The following MRTFA variants were observed in gnomAD, a reference collection of about 807,000 sequenced individuals.
MRTFA encodes myocardin related transcription factor A, also known as myocardin-related transcription factor A.
In MRTFA, 20 loss-of-function variants were observed where a neutral mutation model predicts 83.5. The observed-to-expected ratio is 0.24, with a 90% CI of 0.17 to 0.35. The LOEUF (loss-of-function observed/expected upper bound fraction) is 0.35, where lower values mean the gene tolerates loss of function less well. Ranked by LOEUF, MRTFA falls within the 10% of genes least tolerant of loss-of-function variation. The pLI is 1.00. For missense variants in MRTFA, 1,200 were observed against 1,224.7 expected (o/e 0.98, Z 0.30); for synonymous variants, 659 against 541.2 (o/e 1.22, Z -3.02).
intron 3 of MRTFA, among the ~76,000 whole-genome samples, chr22:40,518,445 T>C (rs1332353971): frequency 2.7e-5 from 4 of 150,574 alleles, no homozygotes; most frequent in Non-Finnish European, 4.4e-5. Flanking sequence ...AAACAAAACC[T>C]ACACATCTGA....
At chr22:40,561,445 T>A (rs1051110239) in intron 2 of MRTFA, among the ~76,000 whole-genome samples, 6 of 150,018 alleles carry the variant, frequency 4.0e-5, no homozygotes, top group South Asian at 2.1e-4. Context: ...GAGTCAAGAC[T>A]GTGCCACTGT....
At chr22:40,544,066 T>G (rs565729484) in intron 3 of MRTFA, among the ~76,000 whole-genome samples, 4 of 152,236 alleles carry the variant, frequency 2.6e-5, no homozygotes, top group Admixed American at 2.0e-4. Context: ...CTCTGTTGAT[T>G]AGTGGGGAAA....
chr22:40,467,041 C>A (rs1370785999), intron 3 of MRTFA, among the ~76,000 whole-genome samples: 2 of 151,860 alleles, frequency 1.3e-5, no homozygotes, highest in Non-Finnish European at 2.9e-5. Context: ...TCTAATAAAC[C>A]TTTTCCATCT....
intron 3 of MRTFA, among the ~76,000 whole-genome samples, chr22:40,506,103 G>A (rs1350077841): frequency 3.9e-5 from 6 of 152,126 alleles, no homozygotes; most frequent in East Asian, 3.9e-4. Context: ...GCATGGTAGC[G>A]GGCGCCTATA....
intron 3 of MRTFA, among the ~76,000 whole-genome samples, chr22:40,507,305 G>A (rs1015678211): frequency 6.6e-6 from 1 of 152,062 alleles, no homozygotes; most frequent in African/African-American, 2.4e-5. Flanking sequence ...AGGCTGCAGT[G>A]AGCAGTGATT....
intron 3 of MRTFA, among the ~76,000 whole-genome samples, chr22:40,535,909 A>G (rs2055163738): frequency 6.6e-6 from 1 of 152,126 alleles, no homozygotes; most frequent in South Asian, 2.1e-4. Flanking sequence ...AATAAACATA[A>G]CATCTCAGTT....
intron 2 of MRTFA, among the ~76,000 whole-genome samples, chr22:40,564,616 A>C (rs1183949711): frequency 1.3e-5 from 2 of 152,118 alleles, no homozygotes; most frequent in African/African-American, 4.8e-5. Context: ...ATTTTAGAAG[A>C]AGCTCAATAA....
chr22:40,538,472 T>C lies in MRTFA; in HGVS notation c.241+13634A>G, dbSNP rs1404924519. ...CTCTGCCTAGGAAAACCAGAGACCT[T>C]TGTTCACTTGTTTATCTGCTGACCT... On this transcript the variant is annotated intron_variant, in intron 3 of 14. Coordinates refer to ENST00000355630, the MANE Select transcript of MRTFA (RefSeq NM_020831.6). 9.3e-5 allele frequency among the ~76,000 whole-genome samples: 14 copies of C among 150,186 alleles called. No homozygotes were observed. In the East Asian group the frequency reaches 1.6e-3, roughly 17 times the overall value.
Position 40,416,421 on chromosome 22 carries a change from T to C in MRTFA, c.2578+565A>G, listed in dbSNP as rs2052680199. Among the ~76,000 whole-genome samples, 1 of 152,234 alleles carries C rather than the reference T, an allele frequency of 6.6e-6. No homozygotes were observed. The highest frequency in any genetic ancestry group is 1.5e-5 in the Non-Finnish European group (1 of 68,036). ...ACCAGGCCTTTTCTGCTCAAGGCTG[T>C]GCGATGGCTTCCCACACAATGGAGC... On this transcript the variant is annotated intron_variant, in intron 14 of 14. Coordinates refer to ENST00000355630, the MANE Select transcript of MRTFA (RefSeq NM_020831.6). The surrounding 1 kb of genome is among the most constrained non-coding windows in gnomAD (Gnocchi z 4.2).
At chr22:40,437,473 C>T (rs1157441271) in intron 4 of MRTFA, among the ~76,000 whole-genome samples, 3 of 152,144 alleles carry the variant, frequency 2.0e-5, no homozygotes, top group Non-Finnish European at 4.4e-5. Flanking sequence ...ATAAATACTA[C>T]GTATCTGGCT....
intron 1 of MRTFA, among the ~76,000 whole-genome samples, chr22:40,595,027 TG>T (rs1332607308): frequency 6.6e-6 from 1 of 151,984 alleles, no homozygotes; most frequent in African/African-American, 2.4e-5. Context: ...ATGAGACAAG[TG>T]TTTTTATTAA....
At chr22:40,467,881 C>T (rs1359126845) in intron 3 of MRTFA, among the ~76,000 whole-genome samples, 1 of 152,160 alleles carries the variant, frequency 6.6e-6, no homozygotes, top group South Asian at 2.1e-4. Flanking sequence ...TCTAAATGGG[C>T]CTGTGTGAAC....
At chr22:40,619,661 G>A (rs180957329) in intron 1 of MRTFA, among the ~76,000 whole-genome samples, 6 of 151,906 alleles carry the variant, frequency 3.9e-5, no homozygotes, top group African/African-American at 7.2e-5. Context: ...AGGCCGAGAC[G>A]GGCGGATCAC....
chr22:40,464,719 C>T (rs970096666), intron 3 of MRTFA, among the ~76,000 whole-genome samples: 3 of 152,038 alleles, frequency 2.0e-5, no homozygotes, highest in Non-Finnish European at 4.4e-5. Context: ...GTCCAAGAAT[C>T]GCAGAACCAT....
chr22:40,627,797 T>G (rs2056598323), intron 1 of MRTFA, among the ~76,000 whole-genome samples: 1 of 152,132 alleles, frequency 6.6e-6, no homozygotes, highest in Admixed American at 6.5e-5. Context: ...TGGGGAACAC[T>G]GTGACACCCC....
chr22:40,452,699 T>C (rs1347338997), intron 4 of MRTFA, among the ~76,000 whole-genome samples: 2 of 148,912 alleles, frequency 1.3e-5, no homozygotes, highest in East Asian at 4.0e-4. Flanking sequence ...TAATCCCAGC[T>C]ACCTAGGAGG....
rs114637125 is a variant in MRTFA at position 40,427,423 on chromosome 22, G to A, written c.601+2183C>T. On this transcript the variant is annotated intron_variant, in intron 7 of 14. Transcript: ENST00000355630. ...GGGCCCAAAGCCTAATTCAGCATGC[G>A]TTGGGGGTCTGCTGCAGTGTTTCCC... 5.6e-3 allele frequency among the ~76,000 whole-genome samples: 859 copies of A among 152,270 alleles called. 10 individuals carry two copies. The highest frequency in any genetic ancestry group is 0.02 in the African/African-American group (826 of 41,554).
chr22:40,546,753 T>G (rs890011892), intron 3 of MRTFA, among the ~76,000 whole-genome samples: 1 of 152,228 alleles, frequency 6.6e-6, no homozygotes, highest in Non-Finnish European at 1.5e-5. Context: ...AGGCCGAAGA[T>G]ACACAAACAC....
chr22:40,634,041 T>C (rs1372895118), intron 1 of MRTFA, among the ~76,000 whole-genome samples: 1 of 152,180 alleles, frequency 6.6e-6, no homozygotes, highest in Non-Finnish European at 1.5e-5. Flanking sequence ...GGAATGTTAG[T>C]TTCCTTCTCC....
Sources: gnomAD v4.1 joint callset for allele counts (sites outside exome capture counted in the v4.1 genomes callset) on GRCh38, gnomAD v4.1.1 for gene constraint, Gnocchi (gnomAD v3.1) non-coding constraint, MANE v1.5 for transcripts, NCBI Gene and HGNC (gene_info 2026-07-23, HGNC 2026-07-21) for gene names.